Variants in VAPB observed in about 807,000 individuals in gnomAD.
VAPB encodes vesicle-associated membrane protein-associated protein B/C.
VAPB carries 7 observed loss-of-function variants against 25.6 expected under a neutral mutation model. The ratio of observed to expected loss-of-function variants is 0.27; its 90% CI spans 0.16 to 0.51. The LOEUF is 0.51. Ranked by LOEUF, VAPB falls within the 20% of genes least tolerant of loss-of-function variation. The pLI is 0.97. For synonymous variants in VAPB, 112 were observed against 109.2 expected (o/e 1.03, Z -0.16); for missense variants, 266 against 301.3 (o/e 0.88, Z 0.87).
chr20:58,406,677 A>T (rs566094684), intron 1 of VAPB, among the ~76,000 whole-genome samples: 2 of 152,288 alleles, frequency 1.3e-5, no homozygotes, highest in Non-Finnish European at 2.9e-5. Context: ...TCCACTAAAG[A>T]TGGAACACTT....
chr20:58,445,017 G>C lies in VAPB; in HGVS notation c.*782G>C, dbSNP rs1989251817. 1 of 454,798 alleles carries C rather than the reference G, an allele frequency of 2.2e-6. No homozygotes were observed. The highest frequency in any genetic ancestry group is 4.4e-6 in the Non-Finnish European group (1 of 226,796). The allele number at this position is 454,798 out of a possible 1,614,324, so 28.2% of individuals were successfully genotyped here. On this transcript the variant is annotated 3_prime_UTR_variant, in exon 6 of 6. Coordinates refer to ENST00000475243, the MANE Select transcript of VAPB (RefSeq NM_004738.5). ...AGTACAGTTAATGCTGCGTGCTGCT[G>C]AACTCTGTTGGGTGAACTGGTATTG...
At chr20:58,437,895 C>G (rs1407655422) in intron 3 of VAPB, among the ~76,000 whole-genome samples, 1 of 152,146 alleles carries the variant, frequency 6.6e-6, no homozygotes, top group African/African-American at 2.4e-5. Context: ...GTAGCTGCCT[C>G]TTGCATGGTT....
chr20:58,391,264 C>T (rs1211226679), intron 1 of VAPB, among the ~76,000 whole-genome samples: 1 of 152,130 alleles, frequency 6.6e-6, no homozygotes, highest in Non-Finnish European at 1.5e-5. Context: ...GCTGTACTCT[C>T]CTATTTTCCC....
At position 58,445,798 on chromosome 20, in the gene VAPB, G is replaced by C. The variant is rs1049373137; in HGVS notation, c.*1563G>C. The C allele has an allele frequency of 6.6e-6, 3 of 453,464 alleles. No homozygotes were observed. The highest frequency in any genetic ancestry group is 1.3e-5 in the Non-Finnish European group (3 of 226,708). The allele number at this position is 453,464 out of a possible 1,614,324, so 28.1% of individuals were successfully genotyped here. ...AAAAGCTGAGCACCTGGTCACCCTT[G>C]GCCTTCCATTGCTTTGGCCTTCAGT... is the stretch of plus-strand genomic sequence containing the variant. On this transcript the variant is annotated 3_prime_UTR_variant, in exon 6 of 6. Coordinates refer to ENST00000475243, the MANE Select transcript of VAPB (RefSeq NM_004738.5).
rs924749213 is a variant in VAPB, at chr20:58,450,127, C to T, written c.*5892C>T. ...TACAAAAAAGTCCTGGCTGTTTCTC[C>T]GAACTGGCTGCCTGCATTCCCGTCT... On this transcript the variant is annotated 3_prime_UTR_variant, in exon 6 of 6. Coordinates refer to ENST00000475243, the MANE Select transcript of VAPB (RefSeq NM_004738.5). 7 of 453,928 alleles carry T rather than the reference C, an allele frequency of 1.5e-5. No individual in the cohort carries two copies. Among genetic ancestry groups the T allele is most frequent in the African/African-American group, 2.0e-5 (1 of 49,964 alleles). The allele number at this position is 453,928 out of a possible 1,614,324, so 28.1% of individuals were successfully genotyped here.
chr20:58,445,441 A>G lies in VAPB; in HGVS notation c.*1206A>G, dbSNP rs998254189. The G allele has an allele frequency of 1.3e-5, 6 of 454,352 alleles. No homozygotes were observed. Among genetic ancestry groups the G allele is most frequent in the African/African-American group, 1.2e-4 (6 of 49,968 alleles). The allele number at this position is 454,352 out of a possible 1,614,324, so 28.1% of individuals were successfully genotyped here. ...CTCTTCAGCGAATCCTTCTAGTACT[A>G]GTTGAGAGTTTGACTGTGAATTAAT... is the stretch of plus-strand genomic sequence containing the variant. On this transcript the variant is annotated 3_prime_UTR_variant, in exon 6 of 6. Coordinates refer to ENST00000475243, the MANE Select transcript of VAPB (RefSeq NM_004738.5).
chr20:58,432,527 C>G (rs951041351), intron 2 of VAPB: 1 of 152,122 alleles, frequency 6.6e-6, no homozygotes, highest in Non-Finnish European at 1.5e-5. Flanking sequence ...GATTTTGTCA[C>G]AGCCAAGGAA....
chr20:58,413,899 C>G (rs1362500802), intron 1 of VAPB, among the ~76,000 whole-genome samples: 1 of 112,600 alleles, frequency 8.9e-6, no homozygotes, highest in East Asian at 2.9e-4. Context: ...TAGGGGCGGC[C>G]GGGCAGAGGC....
chr20:58,400,760 C>A (rs974541961), intron 1 of VAPB, among the ~76,000 whole-genome samples: 1 of 152,150 alleles, frequency 6.6e-6, no homozygotes, highest in African/African-American at 2.4e-5. Flanking sequence ...GAAGCATACA[C>A]AAGAATAAAA....
intron 1 of VAPB, among the ~76,000 whole-genome samples, chr20:58,405,672 T>C (rs1459424916): frequency 6.9e-6 from 1 of 145,882 alleles, no homozygotes; most frequent in African/African-American, 2.5e-5. Flanking sequence ...CTTGAACTCC[T>C]AAACTCCTGA....
intron 4 of VAPB, 60 bp from the exon 5 acceptor site, chr20:58,440,847 A>T: frequency 4.5e-6 from 7 of 1,550,832 alleles, no homozygotes; most frequent in Non-Finnish European, 6.2e-6. Context: ...TTTACTTTGC[A>T]TAAAAAAGTC....
intron 5 of VAPB, among the ~76,000 whole-genome samples, chr20:58,443,350 T>C (rs2123103645): frequency 6.6e-6 from 1 of 151,818 alleles, no homozygotes; most frequent in South Asian, 2.1e-4. Flanking sequence ...AAGTACCAGC[T>C]ATCTACAGAG....
intron 1 of VAPB, among the ~76,000 whole-genome samples, chr20:58,407,702 A>G (rs747562854): frequency 6.8e-6 from 1 of 146,512 alleles, no homozygotes; most frequent in Non-Finnish European, 1.5e-5. Flanking sequence ...AATGTGAACT[A>G]TTTCCGTTTT....
rs1274663222 is a variant in VAPB, at chr20:58,449,419, T to C, written c.*5184T>C. 8.8e-6 allele frequency: 4 copies of C among 453,270 alleles called. No individual in the cohort carries two copies. The highest frequency in any genetic ancestry group is 6.2e-5 in the South Asian group (4 of 64,114). The allele number at this position is 453,270 out of a possible 1,614,324, so 28.1% of individuals were successfully genotyped here. The stretch of plus-strand genomic sequence containing the variant: ...ACGGGTGGAGGTGGATGAGAGGTTG[T>C]CTTCATGAATATAATTACTTGAGAT... On this transcript the variant is annotated 3_prime_UTR_variant, in exon 6 of 6. Coordinates refer to ENST00000475243, the MANE Select transcript of VAPB (RefSeq NM_004738.5).
intron 1 of VAPB, among the ~76,000 whole-genome samples, chr20:58,408,329 A>G (rs1320269690): frequency 1.3e-5 from 2 of 152,192 alleles, no homozygotes; most frequent in African/African-American, 4.8e-5. Flanking sequence ...TTATGTGTCT[A>G]TGGGTAGGGT....
chr20:58,401,829 T>C (rs1376820276), intron 1 of VAPB, among the ~76,000 whole-genome samples: 2 of 152,236 alleles, frequency 1.3e-5, no homozygotes, highest in Non-Finnish European at 2.9e-5. Context: ...AGCTGAACTC[T>C]ATACCACCTT....
Position 58,445,794 on chromosome 20 carries a change from C to T in VAPB, c.*1559C>T. The T allele has an allele frequency of 2.2e-6, 1 of 453,416 alleles. No individual in the cohort carries two copies. Among genetic ancestry groups the T allele is most frequent in the Non-Finnish European group, 4.4e-6 (1 of 226,708 alleles). 28.1% of individuals were successfully genotyped at this position (453,416 alleles called of 1,614,324 possible). A position where few individuals can be genotyped will look rare whatever the true frequency, so the allele number is the denominator to read the frequency against. Reference sequence around the variant, plus strand: ...CTGAAAAAGCTGAGCACCTGGTCACCCTTGGCCTTCCATTGCTTTGGCCTT... The same window carrying T: ...CTGAAAAAGCTGAGCACCTGGTCACTCTTGGCCTTCCATTGCTTTGGCCTT... On this transcript the variant is annotated 3_prime_UTR_variant, in exon 6 of 6. Transcript: ENST00000475243.
chr20:58,437,450 C>G (rs1989073553), intron 3 of VAPB, among the ~76,000 whole-genome samples: 1 of 152,278 alleles, frequency 6.6e-6, no homozygotes, highest in East Asian at 1.9e-4. Flanking sequence ...TGTTTGATCA[C>G]TTGGTTAAGA....
intron 1 of VAPB, among the ~76,000 whole-genome samples, chr20:58,389,772 C>T (rs1464275713): frequency 2.0e-5 from 3 of 152,214 alleles, no homozygotes; most frequent in Admixed American, 6.5e-5. Context: ...TGGGACTTGC[C>T]TTCGAGGCAC....
Sources: gnomAD v4.1 joint callset for allele counts (sites outside exome capture counted in the v4.1 genomes callset) on GRCh38, gnomAD v4.1.1 for gene constraint, MANE v1.5 for transcripts, NCBI Gene and HGNC (gene_info 2026-07-23, HGNC 2026-07-21) for gene names.